SH3D19: variants seen among roughly 807,000 people sequenced by gnomAD.
SH3D19 encodes SH3 domain-containing protein 19.
In SH3D19, 58 loss-of-function variants were observed where a neutral mutation model predicts 112.1. The ratio of observed to expected loss-of-function variants is 0.52; its 90% CI spans 0.42 to 0.64. SH3D19 has a LOEUF of 0.64. Ranked by LOEUF, SH3D19 falls within the 30% of genes least tolerant of loss-of-function variation. SH3D19 has a pLI of 0.00. For synonymous variants in SH3D19, 391 were observed against 448.5 expected, an observed-to-expected ratio of 0.87 and a Z score of 1.62; for missense variants, 1,090 against 1,263.4, an observed-to-expected ratio of 0.86 and a Z score of 2.08.
chr4:151,314,393 G>A (rs1192040510), intron 1 of SH3D19, among the ~76,000 whole-genome samples: 1 of 152,152 alleles, frequency 6.6e-6, no homozygotes, highest in African/African-American at 2.4e-5. Context: ...ATGAACACTT[G>A]AAGTTTACAA....
intron 17 of SH3D19, among the ~76,000 whole-genome samples, chr4:151,131,351 A>T (rs1435288905): frequency 6.6e-6 from 1 of 151,818 alleles, no homozygotes; most frequent in Non-Finnish European, 1.5e-5. Flanking sequence ...GCTGAGCTGC[A>T]CTGAATCTTT....
intron 7 of SH3D19, chr4:151,166,431 C>G (rs186397031): frequency 1.3e-5 from 2 of 150,956 alleles, no homozygotes; most frequent in East Asian, 3.9e-4. Context: ...TGGCTGTAAA[C>G]CTTTTTACTG....
rs1032344757 is a variant in SH3D19 at position 151,312,902 on chromosome 4, A to G, written c.112+12339T>C. On this transcript the variant is annotated intron_variant, in intron 1 of 19. Coordinates refer to ENST00000604030, the MANE Select transcript of SH3D19 (RefSeq NM_001378122.1). Reference sequence around the variant, plus strand: ...GGTGACAGAGCAAGACTCCATCTCAAAAAAAAAAAAAATAAATAAAATAAA... The same window carrying G: ...GGTGACAGAGCAAGACTCCATCTCAGAAAAAAAAAAAATAAATAAAATAAA... Among the ~76,000 whole-genome samples the G allele has an allele frequency of 1.1e-4, 16 of 147,616 alleles. No individual in the cohort carries two copies. The East Asian group carries it at 3.1e-3, about 29-fold the overall frequency.
Position 151,146,314 on chromosome 4 carries a change from T to A in SH3D19, c.2082+1608A>T, listed in dbSNP as rs537987109. Among the ~76,000 whole-genome samples, 45 of 151,998 alleles carry A rather than the reference T, an allele frequency of 3.0e-4. No individual in the cohort carries two copies. In the East Asian group the frequency reaches 4.1e-3, roughly 14 times the overall value. ...ATCATTTTTATTTTATTTTTTTTTTTAAAAAAGAGTCTCATTCTGTCACCC... is the reference window on the plus strand; with the variant it reads ...ATCATTTTTATTTTATTTTTTTTTTAAAAAAAGAGTCTCATTCTGTCACCC... On this transcript the variant is annotated intron_variant, in intron 11 of 19. Transcript: ENST00000604030.
At chr4:151,205,175 A>T (rs554827231) in intron 2 of SH3D19, among the ~76,000 whole-genome samples, 1 of 152,284 alleles carries the variant, frequency 6.6e-6, no homozygotes, top group East Asian at 1.9e-4. Flanking sequence ...AGAGGTGAGC[A>T]TACAAAGGTA....
At chr4:151,277,338 C>A in intron 1 of SH3D19, 1 of 775,070 alleles carries the variant, frequency 1.3e-6, no homozygotes, top group Non-Finnish European at 1.8e-6. Context: ...AGTAGCACAG[C>A]CTGAGAAGGT....
intron 1 of SH3D19, among the ~76,000 whole-genome samples, chr4:151,268,305 G>A (rs1013676957): frequency 7.2e-5 from 11 of 152,138 alleles, no homozygotes; most frequent in Non-Finnish European, 1.3e-4. Context: ...CACTTACTGT[G>A]AATGGAGCTT....
At chr4:151,274,793 A>C (rs762492639) in intron 1 of SH3D19, among the ~76,000 whole-genome samples, 7 of 152,174 alleles carry the variant, frequency 4.6e-5, no homozygotes, top group Non-Finnish European at 1.0e-4. Context: ...AACCAACAGA[A>C]ATTTATTTCC....
intron 2 of SH3D19, among the ~76,000 whole-genome samples, chr4:151,207,839 T>C (rs1765333178): frequency 6.6e-6 from 1 of 152,246 alleles, no homozygotes; most frequent in Admixed American, 6.5e-5. Context: ...AATAATGCAA[T>C]TGTAGTTTCT....
chr4:151,279,001 C>T (rs1773917015), intron 1 of SH3D19: 1 of 260,962 alleles, frequency 3.8e-6, no homozygotes, highest in South Asian at 5.3e-5. Flanking sequence ...GAGAACCTGT[C>T]TGTGTGCTAG....
intron 3 of SH3D19, among the ~76,000 whole-genome samples, chr4:151,187,073 C>T (rs1304641007): frequency 1.3e-5 from 2 of 151,744 alleles, no homozygotes; most frequent in Admixed American, 1.3e-4. Context: ...GGATTACAGG[C>T]ATGAGCCACT....
chr4:151,198,318 AT>A (rs1434400143), intron 2 of SH3D19, among the ~76,000 whole-genome samples: 9 of 86,234 alleles, frequency 1.0e-4, no homozygotes, highest in South Asian at 3.1e-4. Flanking sequence ...AAAAAAAAAA[AT>A]ATATATATAA....
chr4:151,125,902 C>A, intron 19 of SH3D19, among the ~76,000 whole-genome samples: 1 of 146,248 alleles, frequency 6.8e-6, no homozygotes, highest in African/African-American at 2.5e-5. Context: ...CTATTATTTG[C>A]TAACAATATA....
At chr4:151,230,220 C>T (rs552062393) in intron 1 of SH3D19, among the ~76,000 whole-genome samples, 1 of 152,306 alleles carries the variant, frequency 6.6e-6, no homozygotes, top group Admixed American at 6.5e-5. Flanking sequence ...CCTGTTCTGG[C>T]ACAGACAGTT....
intron 9 of SH3D19, among the ~76,000 whole-genome samples, chr4:151,151,873 A>G (rs1210148282): frequency 6.6e-6 from 1 of 152,234 alleles, no homozygotes; most frequent in East Asian, 1.9e-4. Flanking sequence ...TGTAATTGTT[A>G]GATACCTTGA....
intron 6 of SH3D19, 116 bp from the exon 7 acceptor site, chr4:151,175,790 G>A (rs1167520641): frequency 8.7e-6 from 9 of 1,035,888 alleles, no homozygotes; most frequent in Non-Finnish European, 1.1e-5. Flanking sequence ...AATATCAAGA[G>A]ATTTTGGTTT....
At chr4:151,127,792 A>T in intron 18 of SH3D19, 77 bp from the exon 19 acceptor site, 1 of 783,056 alleles carries the variant, frequency 1.3e-6, no homozygotes, top group East Asian at 3.1e-5. Flanking sequence ...TTAAAAAAAA[A>T]CGCTTATCGC....
At chr4:151,273,737 T>A (rs1773396960) in intron 1 of SH3D19, among the ~76,000 whole-genome samples, 1 of 151,834 alleles carries the variant, frequency 6.6e-6, no homozygotes, top group South Asian at 2.1e-4. Flanking sequence ...CTCTGCAAAA[T>A]GAATAATAAG....
intron 2 of SH3D19, among the ~76,000 whole-genome samples, chr4:151,210,095 C>T (rs1033896827): frequency 6.6e-6 from 1 of 152,116 alleles, no homozygotes; most frequent in Non-Finnish European, 1.5e-5. Context: ...GGTAAGAATG[C>T]AACCCTTCAT....
Sources: allele counts gnomAD v4.1 joint callset (sites outside exome capture counted in the v4.1 genomes callset), GRCh38; gene constraint gnomAD v4.1.1; transcripts MANE v1.5; gene names NCBI Gene and HGNC (gene_info 2026-07-23, HGNC 2026-07-21).